ARHGAP20: variants seen among roughly 807,000 people sequenced by gnomAD.
ARHGAP20 encodes the protein Rho GTPase activating protein 20.
In ARHGAP20, 34 loss-of-function variants were observed where a neutral mutation model predicts 73.7. That is an observed-to-expected ratio of 0.46 (90% CI 0.35 to 0.61). The LOEUF (loss-of-function observed/expected upper bound fraction) is 0.61. ARHGAP20 is among the 20% of genes least tolerant of loss of function. ARHGAP20 has a pLI of 0.00. For synonymous variants in ARHGAP20, 523 were observed against 518.2 expected, an observed-to-expected ratio of 1.01 and a Z score of -0.13; for missense variants, 1,314 against 1,420.9, an observed-to-expected ratio of 0.92 and a Z score of 1.21.
intron 13 of ARHGAP20, 61 bp from the exon 14 acceptor site, chr11:110,582,496 T>C: frequency 3.6e-6 from 4 of 1,126,348 alleles, no homozygotes; most frequent in Non-Finnish European, 5.3e-6. Context: ...AAATCACATT[T>C]CATATATAAA....
intron 9 of ARHGAP20, among the ~76,000 whole-genome samples, chr11:110,595,112 C>A: frequency 6.6e-6 from 1 of 151,578 alleles, no homozygotes; most frequent in Non-Finnish European, 1.5e-5. Context: ...GCTAAAAACT[C>A]TCAATAAATT....
At chr11:110,667,077 A>G (rs1949738636) in intron 2 of ARHGAP20, among the ~76,000 whole-genome samples, 1 of 152,256 alleles carries the variant, frequency 6.6e-6, no homozygotes, top group Non-Finnish European at 1.5e-5. Context: ...GAAGCACTAC[A>G]TGCTGATGTG....
chr11:110,680,165 A>G (rs138448991), intron 2 of ARHGAP20, among the ~76,000 whole-genome samples: 28 of 152,324 alleles, frequency 1.8e-4, no homozygotes, highest in African/African-American at 6.5e-4. Flanking sequence ...TAACTCATTT[A>G]ATCCCCTATG....
chr11:110,698,127 C>T lies in ARHGAP20; in HGVS notation c.106-7498G>A, dbSNP rs77056964. 3.5e-3 allele frequency among the ~76,000 whole-genome samples: 536 copies of T among 151,538 alleles called. 3 individuals are homozygous for T. Among genetic ancestry groups the T allele is most frequent in the African/African-American group, 0.012 (499 of 41,426 alleles). On this transcript the variant is annotated intron_variant, in intron 1 of 14. Coordinates refer to ENST00000683387, the MANE Select transcript of ARHGAP20 (RefSeq NM_001384657.1). ...CCTATTTTGTTAAGGGTTTTTATCA[C>T]GAAGGATGTTGGATTTTACTGAATG...
chr11:110,700,203 C>A (rs1370416517), intron 1 of ARHGAP20, among the ~76,000 whole-genome samples: 1 of 151,920 alleles, frequency 6.6e-6, no homozygotes, highest in Non-Finnish European at 1.5e-5. Flanking sequence ...TGCAATTTTT[C>A]ATGCTTTGTT....
chr11:110,581,784 T>C (rs1293299581), intron 14 of ARHGAP20, among the ~76,000 whole-genome samples: 1 of 152,196 alleles, frequency 6.6e-6, no homozygotes, highest in Non-Finnish European at 1.5e-5. Flanking sequence ...TAGTAATTGA[T>C]GGCACAAGGA....
At position 110,577,357 on chromosome 11, in the gene ARHGAP20, G is replaced by T. The variant is rs567820660; in HGVS notation, c.*2013C>A. The T allele has an allele frequency of 1.7e-4, 213 of 1,219,492 alleles. 4 individuals carry two copies. In the South Asian group the frequency reaches 7.0e-3, roughly 40 times the overall value. 75.5% of individuals were successfully genotyped at this position (1,219,492 alleles called of 1,614,324 possible). On this transcript the variant is annotated 3_prime_UTR_variant, in exon 15 of 15. Coordinates refer to ENST00000683387, the MANE Select transcript of ARHGAP20 (RefSeq NM_001384657.1). ...AATATTAACAAACTATTCACATTAA[G>T]AATTACAGGAGTATCTAAGGGAACA...
rs904344387 is a variant in ARHGAP20, at chr11:110,712,383, C to G, written c.-152G>C. On this transcript the variant is annotated 5_prime_UTR_variant, in exon 1 of 15. Transcript: ENST00000683387. ...CTCCGGGTGCTCGCCGCGCGCCTCC[C>G]GTCGGGGCCATGTACCTCCGCCTGC... is the stretch of plus-strand genomic sequence containing the variant. 4.2e-6 allele frequency: 2 copies of G among 480,258 alleles called. No individual in the cohort carries two copies. The highest frequency in any genetic ancestry group is 3.3e-6 in the Non-Finnish European group (1 of 304,356). 29.7% of individuals were successfully genotyped at this position (480,258 alleles called of 1,614,324 possible).
intron 2 of ARHGAP20, among the ~76,000 whole-genome samples, chr11:110,640,377 T>C (rs772217762): frequency 7.9e-5 from 12 of 151,950 alleles, no homozygotes; most frequent in East Asian, 1.9e-4. Flanking sequence ...TTCTGACATG[T>C]AGGTTAGAAC....
intron 2 of ARHGAP20, among the ~76,000 whole-genome samples, chr11:110,675,928 G>A (rs941850622): frequency 6.6e-6 from 1 of 152,094 alleles, no homozygotes; most frequent in African/African-American, 2.4e-5. Flanking sequence ...ACCAGGTTAT[G>A]AGCTCCTTGA....
rs1335459259 is a variant in ARHGAP20 at position 110,579,203 on chromosome 11, T to C, written c.*167A>G. The C allele has an allele frequency of 7.6e-7, 1 of 1,313,302 alleles. No individual in the cohort carries two copies. Among genetic ancestry groups the C allele is most frequent in the African/African-American group, 1.5e-5 (1 of 68,324 alleles). 81.4% of individuals were successfully genotyped at this position (1,313,302 alleles called of 1,614,324 possible). On this transcript the variant is annotated 3_prime_UTR_variant, in exon 15 of 15. Transcript: ENST00000683387. ...TGACAAAATTTTTAGCATAAAGTAT[T>C]TGTCAAGTAGTCTCAATAAAGAGAA...
chr11:110,604,363 G>A (rs1411186288), intron 9 of ARHGAP20, among the ~76,000 whole-genome samples: 1 of 152,134 alleles, frequency 6.6e-6, no homozygotes, highest in Non-Finnish European at 1.5e-5. Flanking sequence ...TTTACAGCTG[G>A]AATCATCTAG....
chr11:110,587,511 T>C (rs1947702129), intron 11 of ARHGAP20, among the ~76,000 whole-genome samples: 1 of 152,236 alleles, frequency 6.6e-6, no homozygotes, highest in Non-Finnish European at 1.5e-5. Flanking sequence ...TGATAACTTA[T>C]TGTTACAATC....
At chr11:110,613,902 GTTTTCATAT>G (rs1948426044) in intron 6 of ARHGAP20, among the ~76,000 whole-genome samples, 1 of 151,986 alleles carries the variant, frequency 6.6e-6, no homozygotes. Context: ...ATATTCATAA[GTTTTCATAT>G]TTTTCATAAT....
chr11:110,711,846 G>A, intron 1 of ARHGAP20: 1 of 1,315,090 alleles, frequency 7.6e-7, no homozygotes, highest in East Asian at 3.1e-5. Context: ...CCGGGCTGCA[G>A]AACCGGCGGC....
intron 2 of ARHGAP20, among the ~76,000 whole-genome samples, chr11:110,689,968 A>C (rs1950210795): frequency 6.6e-6 from 1 of 152,010 alleles, no homozygotes; most frequent in Non-Finnish European, 1.5e-5. Flanking sequence ...CTGCAAAAAA[A>C]AAAAAAATGT....
chr11:110,660,031 G>A lies in ARHGAP20; in HGVS notation c.189-29239C>T, dbSNP rs1949565539. On this transcript the variant is annotated intron_variant, in intron 2 of 14. Transcript: ENST00000683387. ...TAACTAACCTGCACAATGTGCACAT[G>A]TACCCTAAAACTTAAAGTATAATAA... Among the ~76,000 whole-genome samples the A allele has an allele frequency of 2.2e-5, 3 of 138,092 alleles. No homozygotes were observed. In the South Asian group the frequency reaches 6.8e-4, roughly 32 times the overall value. 90.6% of individuals were successfully genotyped at this position (138,092 alleles called of 152,430 possible).
rs1317398845 is a variant in ARHGAP20 at position 110,707,332 on chromosome 11, A to T, written c.105+4795T>A. On this transcript the variant is annotated intron_variant, in intron 1 of 14. Coordinates refer to ENST00000683387, the MANE Select transcript of ARHGAP20 (RefSeq NM_001384657.1). ...ACTTCATTAAAACTATTCCGTGAAA[A>T]TGTGGATATCCTCAAGGATGTATTA... 2.6e-5 allele frequency among the ~76,000 whole-genome samples: 4 copies of T among 152,182 alleles called. No homozygotes were observed. The East Asian group carries it at 7.7e-4, about 29-fold the overall frequency.
At chr11:110,614,426 G>T (rs1424020138) in intron 6 of ARHGAP20, 135 bp downstream of exon 6, 5 of 684,034 alleles carry the variant, frequency 7.3e-6, no homozygotes, top group Non-Finnish European at 1.0e-5. Context: ...TCCCCCTGTG[G>T]TATTTCTAAA....
Sources: gnomAD v4.1 joint callset for allele counts (sites outside exome capture counted in the v4.1 genomes callset) on GRCh38, gnomAD v4.1.1 for gene constraint, MANE v1.5 for transcripts, NCBI Gene and HGNC (gene_info 2026-07-23, HGNC 2026-07-21) for gene names.